FAAH2: variants seen among roughly 807,000 people sequenced by gnomAD.
FAAH2 encodes fatty acid amide hydrolase 2, also known as fatty-acid amide hydrolase 2.
A neutral mutation model predicts 36.9 loss-of-function variants in FAAH2; 60 were observed. The observed-to-expected ratio is 1.63, with a 90% CI of 1.32 to 2.02. The LOEUF (loss-of-function observed/expected upper bound fraction) is 2.02. Among genes scored for constraint, FAAH2 ranks in the 30% most tolerant of loss-of-function variants. The pLI is 0.00. For missense variants in FAAH2, 689 were observed against 397.5 expected (o/e 1.73, Z -6.23); for synonymous variants, 214 against 143.8 (o/e 1.49, Z -3.49).
the FAAH2 span, among the ~76,000 whole-genome samples, chrX:57,153,858 G>A: frequency 8.9e-6 from 1 of 112,618 alleles, no homozygotes; most frequent in Admixed American, 9.4e-5. Flanking sequence ...TTTTTGAGAT[G>A]AATTTCCCAG....
chrX:57,470,871 G>A (rs138778167), intron 10 of FAAH2, among the ~76,000 whole-genome samples: 1,983 of 111,441 alleles, frequency 0.018, 25 homozygotes, highest in Non-Finnish European at 0.03. Flanking sequence ...ACCGAATCCA[G>A]CAGCACATAA....
At chrX:57,290,100 G>T (rs1417904540) in intron 1 of FAAH2, among the ~76,000 whole-genome samples, 1 of 110,977 alleles carries the variant, frequency 9.0e-6, no homozygotes, top group South Asian at 3.8e-4. Context: ...GTGTTGCTAG[G>T]AATATTTAAT....
chrX:57,168,160 A>T, the FAAH2 span, among the ~76,000 whole-genome samples: 1 of 110,920 alleles, frequency 9.0e-6, no homozygotes, highest in Non-Finnish European at 1.9e-5. Context: ...GCTTTTTTTA[A>T]TTTTTAGTAA....
chrX:57,438,548 T>C (rs2056468183), intron 8 of FAAH2, among the ~76,000 whole-genome samples: 2 of 110,390 alleles, frequency 1.8e-5, no homozygotes, highest in African/African-American at 6.6e-5. Flanking sequence ...TATCATAACA[T>C]CAGTGTCATT....
At chrX:57,244,433 G>A in the FAAH2 span, among the ~76,000 whole-genome samples, 2 of 110,870 alleles carry the variant, frequency 1.8e-5, no homozygotes, top group Admixed American at 1.9e-4. Context: ...GAACCCCAAG[G>A]CACATAATCG....
At chrX:57,160,228 G>T in the FAAH2 span, among the ~76,000 whole-genome samples, 17 of 111,799 alleles carry the variant, frequency 1.5e-4, no homozygotes, top group Non-Finnish European at 2.8e-4. Flanking sequence ...TGTGCTGTTG[G>T]CTTCGGTTTG....
In FAAH2 at chrX:57,378,669, G is replaced by C. The variant is rs139284839; in HGVS notation, c.761G>C (p.Gly254Ala). ...KPSPGVVPNK[G>A]QFPLAVGAQE... ...CTTTCAGGTGTGGTTCCCAACAAAGGTCAGTTTCCCTTGGCTGTGGGAGCC... is the reference window on the plus strand; with the variant it reads ...CTTTCAGGTGTGGTTCCCAACAAAGCTCAGTTTCCCTTGGCTGTGGGAGCC... Residue 254 changes from glycine to alanine, a missense_variant, in exon 6 of 11, where the codon GGT (glycine) becomes GCT (alanine). Physicochemically the swap from Gly to Ala is moderately conservative, Grantham distance 60. Coordinates refer to ENST00000374900, the MANE Select transcript of FAAH2 (RefSeq NM_174912.4). 8.3e-7 allele frequency: 1 copy of C among 1,209,353 alleles called. No homozygotes were observed. Among genetic ancestry groups the C allele is most frequent in the Non-Finnish European group, 1.1e-6 (1 of 894,973 alleles).
intron 4 of FAAH2, 104 bp downstream of exon 4, chrX:57,331,911 A>G: frequency 1.2e-6 from 1 of 807,419 alleles, no homozygotes; most frequent in Non-Finnish European, 1.8e-6. Context: ...ACCTATAAGA[A>G]TGGATGCAAA....
chrX:57,192,165 A>T, the FAAH2 span, among the ~76,000 whole-genome samples: 1 of 111,023 alleles, frequency 9.0e-6, no homozygotes, highest in Non-Finnish European at 1.9e-5. Flanking sequence ...TGTAGTTTGC[A>T]TTGTAGAAGC....
At chrX:57,228,704 G>A in the FAAH2 span, among the ~76,000 whole-genome samples, 2 of 111,599 alleles carry the variant, frequency 1.8e-5, no homozygotes, top group East Asian at 5.6e-4. Context: ...TAATCTGACA[G>A]GATATCAAAC....
At chrX:57,324,213 T>A (rs1475315224) in intron 3 of FAAH2, among the ~76,000 whole-genome samples, 1 of 112,125 alleles carries the variant, frequency 8.9e-6, no homozygotes, top group Non-Finnish European at 1.9e-5. Flanking sequence ...TCTGTTTTGA[T>A]ACCAGTACCA....
At chrX:57,180,135 T>C in the FAAH2 span, among the ~76,000 whole-genome samples, 1 of 111,839 alleles carries the variant, frequency 8.9e-6, no homozygotes, top group Admixed American at 9.5e-5. Context: ...AGTACATTTA[T>C]AGCACTAAAC....
At chrX:57,306,092 A>C (rs1007063690) in intron 2 of FAAH2, among the ~76,000 whole-genome samples, 3 of 111,931 alleles carry the variant, frequency 2.7e-5, no homozygotes, top group Admixed American at 9.6e-5. Flanking sequence ...AATCCTTCTG[A>C]ATTGGCAACT....
chrX:57,414,850 CTTTTT>C (rs760473454), intron 7 of FAAH2, among the ~76,000 whole-genome samples: 3 of 57,874 alleles, frequency 5.2e-5, no homozygotes, highest in African/African-American at 1.9e-4. Context: ...TTGTCCTGGG[CTTTTT>C]TTTTTTTTTT....
the FAAH2 span, among the ~76,000 whole-genome samples, chrX:57,190,183 A>G: frequency 9.2e-6 from 1 of 109,280 alleles, no homozygotes; most frequent in Non-Finnish European, 1.9e-5. Context: ...CCCAACTTCC[A>G]GGCCTCCTTA....
intron 1 of FAAH2, among the ~76,000 whole-genome samples, chrX:57,292,059 C>A (rs2052000755): frequency 9.0e-6 from 1 of 110,939 alleles, no homozygotes; most frequent in Non-Finnish European, 1.9e-5. Context: ...GAAACCCTAA[C>A]TTTATGCCCT....
At chrX:57,226,223 C>T in the FAAH2 span, among the ~76,000 whole-genome samples, 1 of 111,401 alleles carries the variant, frequency 9.0e-6, no homozygotes, top group Non-Finnish European at 1.9e-5. Context: ...TGTTTTAACT[C>T]GTGTTTTTGT....
chrX:57,249,894 A>G, the FAAH2 span, among the ~76,000 whole-genome samples: 2 of 112,145 alleles, frequency 1.8e-5, no homozygotes, highest in African/African-American at 3.2e-5. Context: ...GCAGTTCAAA[A>G]TGACTATTGC....
chrX:57,144,844 C>G, the FAAH2 span, among the ~76,000 whole-genome samples: 3 of 109,543 alleles, frequency 2.7e-5, no homozygotes, highest in Non-Finnish European at 5.7e-5. Context: ...CTGCAAATGC[C>G]GTTAATTCAT....
Sources: allele counts gnomAD v4.1 joint callset (sites outside exome capture counted in the v4.1 genomes callset), GRCh38; gene constraint gnomAD v4.1.1; transcripts MANE v1.5; gene names NCBI Gene and HGNC (gene_info 2026-07-23, HGNC 2026-07-21).